The following AVL9 variants were observed in gnomAD, a reference collection of about 807,000 sequenced individuals.
AVL9 encodes late secretory pathway protein AVL9 homolog.
In AVL9, 49 loss-of-function variants were observed where a neutral mutation model predicts 79.2. That is an observed-to-expected ratio of 0.62 (90% CI 0.49 to 0.79). The LOEUF is 0.79. AVL9 is among the 30% of genes least tolerant of loss of function. The pLI is 0.00. For synonymous variants in AVL9, 299 were observed against 280.6 expected, an observed-to-expected ratio of 1.07 and a Z score of -0.65; for missense variants, 682 against 776.8, an observed-to-expected ratio of 0.88 and a Z score of 1.45.
intron 1 of AVL9, 58 bp downstream of exon 1, chr7:32,495,860 C>T: frequency 1.8e-6 from 2 of 1,126,078 alleles, no homozygotes; most frequent in South Asian, 8.3e-5. Context: ...CTTCCGGGGC[C>T]CCCCTGCCCT....
Position 32,573,408 on chromosome 7 carries a change from A to G in AVL9, c.1560A>G (p.Thr520=), listed in dbSNP as rs1993050. The change falls in exon 12 of 16, where the codon ACA becomes ACG. Residue 520 remains threonine, a synonymous_variant. Transcript: ENST00000318709. ...AVYIHALLAA[T]LQLDNEKILS... ...ACATTCATGCCCTGCTGGCTGCCAC[A>G]CTGCAATTAGGTAAGAAACCACACG... is the stretch of plus-strand genomic sequence containing the variant. The G allele has an allele frequency of 0.65, 1,043,671 of 1,612,018 alleles. 341,369 individuals carry two copies. Among genetic ancestry groups the G allele is most frequent in the Admixed American group, 0.76 (45,338 of 59,870 alleles).
In AVL9 at chr7:32,586,992, C is replaced by G. The variant is rs772426740; in HGVS notation, c.*3085C>G. 9.8e-5 allele frequency: 15 copies of G among 152,296 alleles called. No homozygotes were observed. The highest frequency in any genetic ancestry group is 1.5e-4 in the Non-Finnish European group (10 of 68,126). 9.4% of individuals were successfully genotyped at this position (152,296 alleles called of 1,614,324 possible). A position where few individuals can be genotyped will look rare whatever the true frequency, so the allele number is the denominator to read the frequency against. ...CAAATCCATTAGTGATTCACTACCC[C>G]CCGCCAAGCACAGCCCTAAAACAAT... is the stretch of plus-strand genomic sequence containing the variant. On this transcript the variant is annotated 3_prime_UTR_variant, in exon 16 of 16. Coordinates refer to ENST00000318709, the MANE Select transcript of AVL9 (RefSeq NM_015060.3).
intron 1 of AVL9, among the ~76,000 whole-genome samples, chr7:32,522,114 G>A (rs1788183780): frequency 6.6e-6 from 1 of 152,232 alleles, no homozygotes; most frequent in South Asian, 2.1e-4. Flanking sequence ...CTCTGCTAGG[G>A]CAGTGTGGAA....
At chr7:32,520,728 C>T (rs1298663153) in intron 1 of AVL9, among the ~76,000 whole-genome samples, 2 of 152,120 alleles carry the variant, frequency 1.3e-5, no homozygotes, top group African/African-American at 4.8e-5. Context: ...CATGGGTACC[C>T]CTCCCACAGA....
chr7:32,561,660 C>CAA (rs897715593), intron 10 of AVL9, among the ~76,000 whole-genome samples: 1 of 152,166 alleles, frequency 6.6e-6, no homozygotes, highest in African/African-American at 2.4e-5. Flanking sequence ...AAAACAAAAA[C>CAA]AAAAACACTT....
intron 5 of AVL9, among the ~76,000 whole-genome samples, chr7:32,551,678 A>T (rs1476441537): frequency 7.9e-6 from 1 of 125,942 alleles, no homozygotes; most frequent in Admixed American, 1.0e-4. Flanking sequence ...CTCTTAGTGG[A>T]TAATAGCCCT....
chr7:32,577,651 C>G (rs1013216734), intron 13 of AVL9, among the ~76,000 whole-genome samples: 7 of 152,148 alleles, frequency 4.6e-5, no homozygotes, highest in African/African-American at 9.7e-5. Flanking sequence ...AGATCTTTAT[C>G]TGTCACTACA....
At chr7:32,526,584 T>G (rs1323465343) in intron 1 of AVL9, among the ~76,000 whole-genome samples, 1 of 152,188 alleles carries the variant, frequency 6.6e-6, no homozygotes, top group Non-Finnish European at 1.5e-5. Context: ...CTGGGTTCCC[T>G]TCCCCTAAGC....
intron 1 of AVL9, among the ~76,000 whole-genome samples, chr7:32,497,972 G>A (rs1007080106): frequency 7.2e-5 from 11 of 152,062 alleles, no homozygotes; most frequent in Admixed American, 3.3e-4. Flanking sequence ...TTCTAAATGT[G>A]CGCTGAGATT....
chr7:32,582,931 G>A (rs114515128), intron 15 of AVL9, among the ~76,000 whole-genome samples: 1,827 of 152,224 alleles, frequency 0.012, 40 homozygotes, highest in African/African-American at 0.04. Context: ...CTAACCACCC[G>A]TCTCGGCTTC....
At chr7:32,540,550 C>G (rs1562774976) in intron 1 of AVL9, among the ~76,000 whole-genome samples, 3 of 152,152 alleles carry the variant, frequency 2.0e-5, no homozygotes, top group Non-Finnish European at 4.4e-5. Flanking sequence ...GTAACTGATG[C>G]CCAGTTGGCT....
At chr7:32,515,708 T>G (rs1042737841) in intron 1 of AVL9, among the ~76,000 whole-genome samples, 3 of 152,196 alleles carry the variant, frequency 2.0e-5, no homozygotes, top group African/African-American at 7.2e-5. Flanking sequence ...TGGTCGTAGT[T>G]TCTCCTTACT....
rs143097211 is a variant in AVL9, at chr7:32,519,200, G to A, written c.93+23398G>A. 6.8e-3 allele frequency among the ~76,000 whole-genome samples: 1,033 copies of A among 152,238 alleles called. 7 individuals are homozygous for A. Among genetic ancestry groups the A allele is most frequent in the African/African-American group, 0.024 (983 of 41,534 alleles). On this transcript the variant is annotated intron_variant, in intron 1 of 15. Transcript: ENST00000318709. ...CCCCAGCACTTTGGGAGGCCGAGGCGGGTGGATCATGAGGTCAAGAGTTCG... is the reference window on the plus strand; with the variant it reads ...CCCCAGCACTTTGGGAGGCCGAGGCAGGTGGATCATGAGGTCAAGAGTTCG...
intron 13 of AVL9, among the ~76,000 whole-genome samples, chr7:32,578,166 G>A (rs1344990065): frequency 6.6e-6 from 1 of 152,204 alleles, no homozygotes; most frequent in Non-Finnish European, 1.5e-5. Flanking sequence ...GAGAAGAAAG[G>A]AGGCCTGGCT....
intron 1 of AVL9, among the ~76,000 whole-genome samples, chr7:32,542,504 T>G (rs787222): frequency 6.6e-6 from 1 of 151,842 alleles, no homozygotes; most frequent in East Asian, 1.9e-4. Context: ...TGCAGTGAGC[T>G]GAGATCATGC....
intron 11 of AVL9, among the ~76,000 whole-genome samples, 178 bp downstream of exon 11, chr7:32,570,332 A>G (rs923319814): frequency 1.3e-5 from 2 of 152,228 alleles, no homozygotes; most frequent in African/African-American, 2.4e-5. Flanking sequence ...AACACAGTCA[A>G]TAGCACTGTC....
rs1480749380 is a variant in AVL9, at chr7:32,584,510, CT to C, written c.*606del. 1 of 154,834 alleles carries C rather than the reference CT, an allele frequency of 6.5e-6. No individual in the cohort carries two copies. Among genetic ancestry groups the C allele is most frequent in the Non-Finnish European group, 1.4e-5 (1 of 69,806 alleles). 9.6% of individuals were successfully genotyped at this position (154,834 alleles called of 1,614,324 possible). Reference sequence around the variant, plus strand: ...TTTTGTTTTACGTTTTTAGTTTGTTCTTTCCACATCCTTAAAAACTTGGTTT... The same window carrying C: ...TTTTGTTTTACGTTTTTAGTTTGTTCTTCCACATCCTTAAAAACTTGGTTT... On this transcript the variant is annotated 3_prime_UTR_variant, in exon 16 of 16. Coordinates refer to ENST00000318709, the MANE Select transcript of AVL9 (RefSeq NM_015060.3).
chr7:32,566,694 C>T (rs1790591323), intron 10 of AVL9, among the ~76,000 whole-genome samples: 2 of 149,010 alleles, frequency 1.3e-5, no homozygotes, highest in African/African-American at 2.4e-5. Flanking sequence ...CTGGCTAACA[C>T]GGTGAAACCC....
intron 1 of AVL9, among the ~76,000 whole-genome samples, chr7:32,530,516 G>A (rs1254427406): frequency 6.6e-6 from 1 of 152,122 alleles, no homozygotes; most frequent in Admixed American, 6.5e-5. Flanking sequence ...CTCATATCAG[G>A]TAGAGATTAA....
Sources: gnomAD v4.1 joint callset for allele counts (sites outside exome capture counted in the v4.1 genomes callset) on GRCh38, gnomAD v4.1.1 for gene constraint, MANE v1.5 for transcripts, NCBI Gene and HGNC (gene_info 2026-07-23, HGNC 2026-07-21) for gene names.